The following ELMO1 variants were observed in gnomAD, a reference collection of about 807,000 sequenced individuals.
ELMO1 encodes the protein engulfment and cell motility 1.
A neutral mutation model predicts 98.9 loss-of-function variants in ELMO1; 26 were observed. The observed-to-expected ratio is 0.26, with a 90% CI of 0.19 to 0.36. The LOEUF (loss-of-function observed/expected upper bound fraction) is 0.36. ELMO1 is among the 10% of genes least tolerant of loss of function. The probability of loss-of-function intolerance (pLI) is 1.00; values close to 1 mark genes in which losing one functional copy is unlikely to be tolerated. For missense variants in ELMO1, 627 were observed against 935.2 expected, an observed-to-expected ratio of 0.67 and a Z score of 4.30; for synonymous variants, 346 against 346.0, an observed-to-expected ratio of 1.00 and a Z score of 0.00.
At chr7:37,219,178 G>A (rs1337126396) in intron 10 of ELMO1, among the ~76,000 whole-genome samples, 2 of 152,182 alleles carry the variant, frequency 1.3e-5, no homozygotes, top group Non-Finnish European at 2.9e-5. Flanking sequence ...TAGAAGGGAA[G>A]GGAGTTCCCA....
At chr7:37,237,315 A>T (rs111355651) in intron 7 of ELMO1, among the ~76,000 whole-genome samples, 2,190 of 152,232 alleles carry the variant, frequency 0.014, 57 homozygotes, top group African/African-American at 0.05. Flanking sequence ...TTTTAGACAG[A>T]GTCTCACTCT....
chr7:37,030,752 C>A (rs1439584358), intron 15 of ELMO1, among the ~76,000 whole-genome samples: 1 of 152,096 alleles, frequency 6.6e-6, no homozygotes, highest in Non-Finnish European at 1.5e-5. Context: ...TTTCCTTCTG[C>A]CCAAAGTTCT....
At chr7:36,926,033 T>C (rs937076946) in intron 16 of ELMO1, among the ~76,000 whole-genome samples, 2 of 152,086 alleles carry the variant, frequency 1.3e-5, no homozygotes, top group African/African-American at 4.8e-5. Flanking sequence ...CCCATTTCCC[T>C]CCAAGTCCCC....
intron 13 of ELMO1, among the ~76,000 whole-genome samples, chr7:37,162,647 G>A (rs1290254343): frequency 1.3e-5 from 2 of 152,116 alleles, no homozygotes; most frequent in Non-Finnish European, 2.9e-5. Context: ...GTTGAAAACA[G>A]GACTTGTAAA....
chr7:37,397,585 G>A (rs1803351684), intron 1 of ELMO1, among the ~76,000 whole-genome samples: 1 of 152,144 alleles, frequency 6.6e-6, no homozygotes, highest in Non-Finnish European at 1.5e-5. Flanking sequence ...CATCAAGATG[G>A]ACAATACGAT....
intron 1 of ELMO1, among the ~76,000 whole-genome samples, chr7:37,434,080 A>T (rs1482933601): frequency 6.6e-6 from 1 of 152,218 alleles, no homozygotes; most frequent in African/African-American, 2.4e-5. Context: ...GAAAAAAGTA[A>T]CTCAAAGGAT....
intron 14 of ELMO1, among the ~76,000 whole-genome samples, chr7:37,100,210 T>C (rs1033520123): frequency 9.2e-5 from 14 of 152,238 alleles, no homozygotes; most frequent in Non-Finnish European, 2.1e-4. Flanking sequence ...TTCTGTCTCC[T>C]TGAAGTTGTC....
chr7:36,908,567 T>C (rs1784127296), intron 16 of ELMO1, among the ~76,000 whole-genome samples: 1 of 151,830 alleles, frequency 6.6e-6, no homozygotes, highest in Non-Finnish European at 1.5e-5. Flanking sequence ...TTTTTTAAGA[T>C]AGTGTGAAAG....
intron 14 of ELMO1, among the ~76,000 whole-genome samples, chr7:37,122,707 T>A (rs1786157321): frequency 6.6e-6 from 1 of 152,138 alleles, no homozygotes. Flanking sequence ...CACCCCACTG[T>A]CAACATTAGA....
intron 5 of ELMO1, chr7:37,269,944 G>C (rs1264634290): frequency 6.6e-6 from 1 of 152,122 alleles, no homozygotes; most frequent in Non-Finnish European, 1.5e-5. Flanking sequence ...TTAGATTGCG[G>C]AATTTTTGTT....
chr7:36,899,093 G>C lies in ELMO1; in HGVS notation c.1438-4076C>G, dbSNP rs550265568. ...GGAGGGGGAAGGAGAACATAGCCAT[G>C]GGTGGGGAAGTGTTCAGCGGTCTTG... On this transcript the variant is annotated intron_variant, in intron 16 of 21. Transcript: ENST00000310758. Among the ~76,000 whole-genome samples, 4 of 152,332 alleles carry C rather than the reference G, an allele frequency of 2.6e-5. No individual in the cohort carries two copies. The South Asian group carries it at 8.3e-4, about 32-fold the overall frequency.
At chr7:37,153,581 G>T (rs1447926432) in intron 13 of ELMO1, among the ~76,000 whole-genome samples, 1 of 152,176 alleles carries the variant, frequency 6.6e-6, no homozygotes, top group Non-Finnish European at 1.5e-5. Flanking sequence ...CTGGCAGGGG[G>T]AGGGGTGTCT....
intron 4 of ELMO1, among the ~76,000 whole-genome samples, chr7:37,283,543 G>C (rs1797246607): frequency 6.6e-6 from 1 of 152,238 alleles, no homozygotes; most frequent in Non-Finnish European, 1.5e-5. Context: ...ATGTAGATGT[G>C]AATCTTGGAC....
chr7:37,292,493 A>G (rs1423794634), intron 4 of ELMO1, among the ~76,000 whole-genome samples: 9 of 52,636 alleles, frequency 1.7e-4, no homozygotes, highest in African/African-American at 4.0e-4. Context: ...CATCCCATCT[A>G]GGAAGTGAGG....
At chr7:37,124,323 T>C (rs962086665) in intron 14 of ELMO1, among the ~76,000 whole-genome samples, 6 of 152,190 alleles carry the variant, frequency 3.9e-5, no homozygotes, top group African/African-American at 1.2e-4. Context: ...GGTATTCAAT[T>C]AGGAAAAGAG....
In ELMO1 at chr7:37,291,908, T is replaced by C. The variant is rs183378141; in HGVS notation, c.193-20026A>G. Reference sequence around the variant, plus strand: ...GCAGCCTGGGCTACAAGAGTGAAACTCTGCTCCCTCTCCCTCCCCCTCCCC... The same window carrying C: ...GCAGCCTGGGCTACAAGAGTGAAACCCTGCTCCCTCTCCCTCCCCCTCCCC... On this transcript the variant is annotated intron_variant, in intron 4 of 21. Transcript: ENST00000310758. 1.3e-3 allele frequency among the ~76,000 whole-genome samples: 178 copies of C among 135,890 alleles called. 1 individual carries two copies. Among genetic ancestry groups the C allele is most frequent in the Non-Finnish European group, 1.5e-3 (98 of 63,960 alleles). The allele number at this position is 135,890 out of a possible 152,430, so 89.1% of individuals were successfully genotyped here.
chr7:37,311,058 A>G (rs1299295337), intron 4 of ELMO1, among the ~76,000 whole-genome samples: 6 of 152,104 alleles, frequency 3.9e-5, no homozygotes, highest in African/African-American at 1.2e-4. Context: ...TCTAGAGCAG[A>G]ATTTGAACTT....
intron 16 of ELMO1, among the ~76,000 whole-genome samples, chr7:36,928,360 A>G (rs1584386252): frequency 1.3e-5 from 2 of 152,202 alleles, no homozygotes; most frequent in Admixed American, 1.3e-4. Context: ...CATCCAATCA[A>G]TAAGACTTTA....
At chr7:36,953,307 G>C (rs1788150544) in intron 16 of ELMO1, among the ~76,000 whole-genome samples, 1 of 152,050 alleles carries the variant, frequency 6.6e-6, no homozygotes, top group Admixed American at 6.5e-5. Flanking sequence ...TTGACATAAA[G>C]ATGGACATCA....
Sources: gnomAD v4.1 joint callset for allele counts (sites outside exome capture counted in the v4.1 genomes callset) on GRCh38, gnomAD v4.1.1 for gene constraint, MANE v1.5 for transcripts, NCBI Gene and HGNC (gene_info 2026-07-23, HGNC 2026-07-21) for gene names.